Variants in MAML3 observed in about 807,000 individuals in gnomAD.
MAML3 encodes mastermind like transcriptional coactivator 3.
Under a neutral mutation model 101.9 loss-of-function variants are expected in MAML3, and 27 were observed. That is an observed-to-expected ratio of 0.27 (90% CI 0.20 to 0.37). The LOEUF (loss-of-function observed/expected upper bound fraction) is 0.37, where lower values mean the gene tolerates loss of function less well. Among genes scored for constraint, MAML3 ranks in the 10% least tolerant of loss-of-function variants. The pLI, the probability that MAML3 is intolerant of heterozygous loss-of-function variation, is 1.00. For synonymous variants in MAML3, 501 were observed against 555.9 expected (o/e 0.90, Z 1.39); for missense variants, 1,316 against 1,444.9 (o/e 0.91, Z 1.45).
At chr4:140,045,538 A>G (rs916426437) in intron 1 of MAML3, among the ~76,000 whole-genome samples, 1 of 152,048 alleles carries the variant, frequency 6.6e-6, no homozygotes, top group East Asian at 1.9e-4. Context: ...TCTAAAGATT[A>G]TATGTATTCC....
chr4:140,008,161 G>T (rs1726488185), intron 1 of MAML3, among the ~76,000 whole-genome samples: 1 of 152,096 alleles, frequency 6.6e-6, no homozygotes, highest in Admixed American at 6.5e-5. Context: ...CCTGGCCTAC[G>T]TGGTGAAACC....
chr4:139,902,129 G>A (rs1237309433), intron 1 of MAML3, among the ~76,000 whole-genome samples: 1 of 152,190 alleles, frequency 6.6e-6, no homozygotes. Context: ...CTTGTGAGAT[G>A]CAGTTTGCAT....
Position 139,785,672 on chromosome 4 carries a change from AT to A in MAML3, c.2080-55006del, listed in dbSNP as rs938103301. ...CCTTCATTCACATATCTCTGCACTA[AT>A]TTTTTTTTTCCTGTGATAAAACAGA... On this transcript the variant is annotated intron_variant, in intron 2 of 4. Transcript: ENST00000509479. This position sits in a 1 kb window ranked among gnomAD's most constrained non-coding sequence, Gnocchi z 4.3. Among the ~76,000 whole-genome samples the A allele has an allele frequency of 8.6e-4, 130 of 150,616 alleles. No individual in the cohort carries two copies. In the South Asian group the frequency reaches 0.014, roughly 16 times the overall value.
intron 2 of MAML3, among the ~76,000 whole-genome samples, chr4:139,802,578 T>C (rs1397489387): frequency 6.6e-6 from 1 of 151,516 alleles, no homozygotes; most frequent in Admixed American, 6.6e-5. Context: ...CCCTATTTCT[T>C]AAAAAAAAAG....
At chr4:139,881,590 C>CT (rs1225814073) in intron 2 of MAML3, among the ~76,000 whole-genome samples, 1 of 152,140 alleles carries the variant, frequency 6.6e-6, no homozygotes, top group Non-Finnish European at 1.5e-5. Context: ...TTTTGCCTCT[C>CT]TCTTAAACAG....
At chr4:139,983,089 G>T (rs1734475634) in intron 1 of MAML3, among the ~76,000 whole-genome samples, 1 of 151,944 alleles carries the variant, frequency 6.6e-6, no homozygotes, top group Admixed American at 6.6e-5. Context: ...TTCCTTCTTG[G>T]GATCCTCTGA....
chr4:139,906,464 C>T (rs192849916), intron 1 of MAML3, among the ~76,000 whole-genome samples: 12 of 152,278 alleles, frequency 7.9e-5, no homozygotes, highest in Non-Finnish European at 2.9e-5. Context: ...CGATGATTTT[C>T]CATAATCCAC....
chr4:140,006,226 G>C, intron 1 of MAML3, among the ~76,000 whole-genome samples: 1 of 152,110 alleles, frequency 6.6e-6, no homozygotes, highest in African/African-American at 2.4e-5. Flanking sequence ...GGAAGAAAGG[G>C]AGTGGAAGGG....
intron 1 of MAML3, among the ~76,000 whole-genome samples, chr4:140,046,406 G>T (rs1224676106): frequency 6.6e-6 from 1 of 152,144 alleles, no homozygotes; most frequent in Non-Finnish European, 1.5e-5. Flanking sequence ...ACTAAGATTT[G>T]GGGGTTCTTT....
chr4:139,885,435 A>T lies in MAML3; in HGVS notation c.2079+3922T>A, dbSNP rs1292410248. On this transcript the variant is annotated intron_variant, in intron 2 of 4. Coordinates refer to ENST00000509479, the MANE Select transcript of MAML3 (RefSeq NM_018717.5). ...AAAGAAAGAAAGAAAGAATAAATACAGTGATGGATGCCCTAAATACCCTGA... is the reference window on the plus strand; with the variant it reads ...AAAGAAAGAAAGAAAGAATAAATACTGTGATGGATGCCCTAAATACCCTGA... Among the ~76,000 whole-genome samples the T allele has an allele frequency of 2.0e-5, 3 of 152,174 alleles. No homozygotes were observed. The East Asian group carries it at 5.8e-4, about 29-fold the overall frequency.
intron 1 of MAML3, among the ~76,000 whole-genome samples, chr4:139,929,133 G>A: frequency 6.6e-6 from 1 of 152,210 alleles, no homozygotes; most frequent in East Asian, 1.9e-4. Context: ...CCCAAATGCA[G>A]AGTTGAGATA....
intron 2 of MAML3, among the ~76,000 whole-genome samples, chr4:139,773,061 G>A (rs1730027292): frequency 6.6e-6 from 1 of 151,962 alleles, no homozygotes; most frequent in African/African-American, 2.4e-5. Flanking sequence ...AAAAGTCTAA[G>A]CATATGCCCA....
chr4:139,730,535 T>C lies in MAML3; in HGVS notation c.2212A>G (p.Ile738Val), dbSNP rs759763339. The C allele has an allele frequency of 1.9e-6, 3 of 1,571,920 alleles. No homozygotes were observed. The highest frequency in any genetic ancestry group is 2.6e-6 in the Non-Finnish European group (3 of 1,158,696). ...TGATCAATGAGCATCTGCTTCATGA[T>C]GGCTGCTTGGGGCTGGCTGCCCAGG... ...GFLGSQPQAA[I>V]MKQMLIDQRA... Residue 738 changes from isoleucine to valine, a missense_variant, in exon 3 of 5, where the codon ATC (isoleucine) becomes GTC (valine). Coordinates refer to ENST00000509479, the MANE Select transcript of MAML3 (RefSeq NM_018717.5).
In MAML3 at chr4:139,913,371, A is replaced by G. The variant is rs189472453; in HGVS notation, c.469-22404T>C. Among the ~76,000 whole-genome samples the G allele has an allele frequency of 5.0e-3, 756 of 152,324 alleles. 11 individuals carry two copies. Among genetic ancestry groups the G allele is most frequent in the African/African-American group, 0.017 (720 of 41,560 alleles). On this transcript the variant is annotated intron_variant, in intron 1 of 4. Coordinates refer to ENST00000509479, the MANE Select transcript of MAML3 (RefSeq NM_018717.5). Reference sequence around the variant, plus strand: ...AAGTATGGCTCTTACTTCACCTGTAAAAGTCAAAGACATATCTAATTTTTA... The same window carrying G: ...AAGTATGGCTCTTACTTCACCTGTAGAAGTCAAAGACATATCTAATTTTTA...
intron 1 of MAML3, among the ~76,000 whole-genome samples, chr4:140,062,833 T>C (rs1160004728): frequency 6.6e-6 from 1 of 152,224 alleles, no homozygotes; most frequent in African/African-American, 2.4e-5. Context: ...CTTTTCCACT[T>C]ATTTCCTCAA....
At chr4:139,750,201 T>A (rs1336869073) in intron 2 of MAML3, among the ~76,000 whole-genome samples, 2 of 152,118 alleles carry the variant, frequency 1.3e-5, no homozygotes, top group African/African-American at 4.8e-5. Flanking sequence ...AGGGTTCAGA[T>A]CCCCTGGGTG....
At chr4:140,117,652 T>C (rs1164245300) in intron 1 of MAML3, among the ~76,000 whole-genome samples, 3 of 149,854 alleles carry the variant, frequency 2.0e-5, no homozygotes, top group African/African-American at 5.0e-5. Flanking sequence ...TATACAGGTA[T>C]ATATATATAT....
intron 1 of MAML3, among the ~76,000 whole-genome samples, chr4:140,028,739 AT>A (rs1417459311): frequency 1.3e-5 from 2 of 152,028 alleles, no homozygotes; most frequent in African/African-American, 4.8e-5. Flanking sequence ...CTCCCTATTC[AT>A]TTAATGCTAG....
intron 2 of MAML3, among the ~76,000 whole-genome samples, chr4:139,803,144 C>T (rs948958473): frequency 6.6e-6 from 1 of 152,136 alleles, no homozygotes; most frequent in Non-Finnish European, 1.5e-5. Context: ...GTGGCTCACA[C>T]CTGTAGTCCT....
Sources: allele counts gnomAD v4.1 joint callset (sites outside exome capture counted in the v4.1 genomes callset), GRCh38; gene constraint gnomAD v4.1.1; non-coding constraint Gnocchi (gnomAD v3.1); transcripts MANE v1.5; gene names NCBI Gene and HGNC (gene_info 2026-07-23, HGNC 2026-07-21).